Variants in F13B observed in about 807,000 individuals in gnomAD.
The protein encoded by F13B is TGase.
In F13B, 58 loss-of-function variants were observed where a neutral mutation model predicts 79.8. That is an observed-to-expected ratio of 0.73 (90% CI 0.59 to 0.90). The LOEUF (loss-of-function observed/expected upper bound fraction) is 0.90. Ranked by LOEUF, F13B falls within the 40% of genes least tolerant of loss-of-function variation. The probability of loss-of-function intolerance (pLI) is 0.00; values close to 1 mark genes in which losing one functional copy is unlikely to be tolerated. For missense variants in F13B, 773 were observed against 777.0 expected, an observed-to-expected ratio of 0.99 and a Z score of 0.06; for synonymous variants, 283 against 260.3, an observed-to-expected ratio of 1.09 and a Z score of -0.84.
At chr1:197,064,430 A>G (rs1445283331) in intron 1 of F13B, among the ~76,000 whole-genome samples, 1 of 152,234 alleles carries the variant, frequency 6.6e-6, no homozygotes, top group African/African-American at 2.4e-5. Flanking sequence ...GACTATGCAT[A>G]CAATGGAATA....
In F13B at chr1:197,060,985, G is replaced by C. The variant is rs1655837147; in HGVS notation, c.542C>G (p.Ala181Gly). Residue 181 changes from alanine (A) to glycine (G), a missense_variant, in exon 4 of 12, where the codon GCT becomes GGT. By Grantham distance (60) the Ala-to-Gly change is moderately conservative (BLOSUM62 0). Coordinates refer to ENST00000367412, the MANE Select transcript of F13B (RefSeq NM_001994.3). ...TCCTCCAGCTGTGTAGTAGCCAGTA[G>C]CACATTCGTATTGTACTTTGTCCTT... ...KVKDKVQYEC[A>G]TGYYTAGGKK... 1 of 1,611,514 alleles carries C rather than the reference G, an allele frequency of 6.2e-7. No homozygotes were observed. Among genetic ancestry groups the C allele is most frequent in the South Asian group, 1.1e-5 (1 of 91,018 alleles).
intron 10 of F13B, among the ~76,000 whole-genome samples, chr1:197,045,996 G>C (rs1288049311): frequency 1.3e-5 from 2 of 152,090 alleles, no homozygotes; most frequent in Non-Finnish European, 2.9e-5. Flanking sequence ...AATAAACAAG[G>C]TATTGAGGGA....
Position 197,052,719 on chromosome 1 carries a change from A to T in F13B, c.1470T>A (p.Tyr490Ter), listed in dbSNP as rs1655492794. The T allele has an allele frequency of 6.2e-7, 1 of 1,612,178 alleles. No homozygotes were observed. The highest frequency in any genetic ancestry group is 8.5e-7 in the Non-Finnish European group (1 of 1,178,934). The change falls in exon 9 of 12, where the codon TAT (tyrosine) becomes TAA (stop). Residue 490 changes from tyrosine (Y) to a stop codon, truncating the protein, a stop_gained. Coordinates refer to ENST00000367412, the MANE Select transcript of F13B (RefSeq NM_001994.3). LOFTEE classifies it high-confidence loss of function. ...ACAATGGGGTTAATGGAGATAAGTC[A>T]TATCCCTGTTTACATACAAAATCTA... ...DLIDFVCKQG[Y>*]DLSPLTPLSE...
chr1:197,051,596 A>T (rs1553320675), intron 9 of F13B, among the ~76,000 whole-genome samples: 27 of 151,988 alleles, frequency 1.8e-4, no homozygotes, highest in Non-Finnish European at 1.5e-5. Context: ...AAACCTCTTG[A>T]TTTTTTCCCT....
At chr1:197,049,126 G>A (rs1460287670) in intron 10 of F13B, among the ~76,000 whole-genome samples, 1 of 151,934 alleles carries the variant, frequency 6.6e-6, no homozygotes, top group East Asian at 1.9e-4. Flanking sequence ...TGTGCTCAGA[G>A]AGAAATTTCT....
rs76405247 is a variant in F13B, at chr1:197,057,202, A to G, written c.986-4T>C. On this transcript the variant is annotated splice_polypyrimidine_tract_variant and splice_region_variant and intron_variant, in intron 6 of 11. Transcript: ENST00000367412. Reference sequence around the variant, plus strand: ...CAGGCTACCTTCTCCTGTCCTTCTGAAAAGGTACAGTTGAAAGAGAACTGA... The same window carrying G: ...CAGGCTACCTTCTCCTGTCCTTCTGGAAAGGTACAGTTGAAAGAGAACTGA... 917 of 1,613,896 alleles carry G rather than the reference A, an allele frequency of 5.7e-4. 8 individuals are homozygous for G. In the East Asian group the frequency reaches 0.018, roughly 32 times the overall value.
At position 197,040,547 on chromosome 1, in the gene F13B, A is replaced by AT; in HGVS notation, c.1926dup (p.Tyr643IlefsTer41). 1 of 1,612,552 alleles carries AT rather than the reference A, an allele frequency of 6.2e-7. No individual in the cohort carries two copies. The highest frequency in any genetic ancestry group is 8.5e-7 in the Non-Finnish European group (1 of 1,179,284). ...CTTTGTCTTGGAATACATCTTGGAT[A>AT]TTTTAACTGCCCTCTGTCACATTGC... On this transcript the variant is annotated frameshift_variant, in exon 11 of 12. Coordinates refer to ENST00000367412, the MANE Select transcript of F13B (RefSeq NM_001994.3). LOFTEE classifies it high-confidence loss of function.
rs751582965 is a variant in F13B at position 197,040,812 on chromosome 1, G to T, written c.1739-77C>A. On this transcript the variant is annotated intron_variant, in intron 10 of 11. Transcript: ENST00000367412. ...TTACATCTTGGTAAGAACAGGAATCGTTGTGTTGCCTACTCATGAGGACCT... is the reference window on the plus strand; with the variant it reads ...TTACATCTTGGTAAGAACAGGAATCTTTGTGTTGCCTACTCATGAGGACCT... 48 of 1,220,286 alleles carry T rather than the reference G, an allele frequency of 3.9e-5. 1 individual carries two copies. Among genetic ancestry groups the T allele is most frequent in the Non-Finnish European group, 5.1e-5 (44 of 857,646 alleles). The allele number at this position is 1,220,286 out of a possible 1,614,324, so 75.6% of individuals were successfully genotyped here.
rs995125530 is a variant in F13B, at chr1:197,050,737, A to G, written c.1698T>C (p.Tyr566=). 2.5e-6 allele frequency: 4 copies of G among 1,613,192 alleles called. No homozygotes were observed. Among genetic ancestry groups the G allele is most frequent in the Admixed American group, 3.3e-5 (2 of 59,834 alleles). ...GTGTAGTCCACATTCCATCTAAACA[A>G]TAGGCCTCCCTAGATCCTTCTAGGA... is the stretch of plus-strand genomic sequence containing the variant. ...HHFLEGSREA[Y]CLDGMWTTPP... Residue 566 remains tyrosine, a synonymous_variant, in exon 10 of 12, where the codon TAT becomes TAC. Coordinates refer to ENST00000367412, the MANE Select transcript of F13B (RefSeq NM_001994.3).
At chr1:197,055,435 A>G (rs1655607158) in intron 8 of F13B, among the ~76,000 whole-genome samples, 1 of 152,056 alleles carries the variant, frequency 6.6e-6, no homozygotes, top group Non-Finnish European at 1.5e-5. Flanking sequence ...GCTAGGAGAA[A>G]GACAACCCAA....
chr1:197,051,027 G>A (rs1330508823), intron 9 of F13B, 148 bp from the exon 10 acceptor site: 10 of 675,094 alleles, frequency 1.5e-5, no homozygotes, highest in Non-Finnish European at 2.6e-5. Context: ...TGCCTCCCAG[G>A]CTCAAGTGAT....
Position 197,050,692 on chromosome 1 carries a change from C to T in F13B, c.1738+5G>A. Reference sequence around the variant, plus strand: ...TTTGTTAGAGGCATATTTAGTAGTACATACCTAAACACAATGGTGGTGTAG... The same window carrying T: ...TTTGTTAGAGGCATATTTAGTAGTATATACCTAAACACAATGGTGGTGTAG... On this transcript the variant is annotated splice_donor_5th_base_variant and intron_variant, in intron 10 of 11. Coordinates refer to ENST00000367412, the MANE Select transcript of F13B (RefSeq NM_001994.3). 3 of 1,611,976 alleles carry T rather than the reference C, an allele frequency of 1.9e-6. No homozygotes were observed. The highest frequency in any genetic ancestry group is 2.5e-6 in the Non-Finnish European group (3 of 1,178,618).
intron 1 of F13B, among the ~76,000 whole-genome samples, chr1:197,063,539 C>T (rs560469024): frequency 6.6e-6 from 1 of 152,162 alleles, no homozygotes; most frequent in East Asian, 1.9e-4. Flanking sequence ...ACGCTGGTCT[C>T]AAACTCCTGG....
chr1:197,065,326 T>A (rs1412405605), intron 1 of F13B, among the ~76,000 whole-genome samples: 11 of 152,132 alleles, frequency 7.2e-5, no homozygotes, highest in Admixed American at 2.0e-4. Flanking sequence ...CCTTGGAGAA[T>A]ATGAATTCCT....
chr1:197,065,237 G>C (rs886426205), intron 1 of F13B, among the ~76,000 whole-genome samples: 1 of 152,112 alleles, frequency 6.6e-6, no homozygotes, highest in Non-Finnish European at 1.5e-5. Context: ...CCTAGGTTGT[G>C]GCTTTAAAGA....
intron 10 of F13B, among the ~76,000 whole-genome samples, chr1:197,049,298 T>G (rs578194901): frequency 6.6e-6 from 1 of 151,908 alleles, no homozygotes; most frequent in Non-Finnish European, 1.5e-5. Flanking sequence ...AAAGCAAAAT[T>G]TGATGAATCA....
At position 197,039,145 on chromosome 1, in the gene F13B, AC is replaced by A; in HGVS notation, c.*232del. 8.3e-6 allele frequency: 4 copies of A among 479,866 alleles called. No individual in the cohort carries two copies. Among genetic ancestry groups the A allele is most frequent in the South Asian group, 2.9e-5 (1 of 34,820 alleles). 29.7% of individuals were successfully genotyped at this position (479,866 alleles called of 1,614,324 possible). A position where few individuals can be genotyped will look rare whatever the true frequency, so the allele number is the denominator to read the frequency against. ...AATATGATGTGTAGATTAATTTGTAACAGATGGAAGACATACAAAAGAGATT... is the reference window on the plus strand; with the variant it reads ...AATATGATGTGTAGATTAATTTGTAAAGATGGAAGACATACAAAAGAGATT... On this transcript the variant is annotated 3_prime_UTR_variant, in exon 12 of 12. Transcript: ENST00000367412.
At chr1:197,063,300 G>A (rs1655934640) in intron 1 of F13B, among the ~76,000 whole-genome samples, 1 of 152,024 alleles carries the variant, frequency 6.6e-6, no homozygotes, top group Admixed American at 6.6e-5. Context: ...TTTCAGGGAA[G>A]CTTTGCATAA....
At position 197,057,046 on chromosome 1, in the gene F13B, G is replaced by A. The variant is rs559428305; in HGVS notation, c.1138C>T (p.Arg380Cys). The A allele has an allele frequency of 5.6e-6, 9 of 1,613,676 alleles. No individual in the cohort carries two copies. The highest frequency in any genetic ancestry group is 4.4e-5 in the South Asian group (4 of 91,082). Residue 380 changes from arginine (R) to cysteine (C), a missense_variant, in exon 7 of 12, where the codon CGT becomes TGT. Transcript: ENST00000367412. ...LHGSNEITCN[R>C]GKWTLPPECV... ...TCAGGAGGAAGTGTCCATTTTCCAC[G>A]ATTACAAGTTATCTCATTCGATCCA... is the stretch of plus-strand genomic sequence containing the variant.
Sources: gnomAD v4.1 joint callset for allele counts (sites outside exome capture counted in the v4.1 genomes callset) on GRCh38, gnomAD v4.1.1 for gene constraint, MANE v1.5 for transcripts, NCBI Gene and HGNC (gene_info 2026-07-23, HGNC 2026-07-21) for gene names.